ZNF385D: variants seen among roughly 807,000 people sequenced by gnomAD.
ZNF385D encodes the protein zinc finger protein 385D.
Under a neutral mutation model 35.8 loss-of-function variants are expected in ZNF385D, and 15 were observed. The ratio of observed to expected loss-of-function variants is 0.42; its 90% CI spans 0.28 to 0.64. ZNF385D has a LOEUF of 0.64. Ranked by LOEUF, ZNF385D falls within the 30% of genes least tolerant of loss-of-function variation. The probability of loss-of-function intolerance (pLI) is 0.23; values close to 1 mark genes in which losing one functional copy is unlikely to be tolerated. For missense variants in ZNF385D, 474 were observed against 494.6 expected (o/e 0.96, Z 0.39); for synonymous variants, 212 against 186.8 (o/e 1.13, Z -1.10).
At position 22,255,270 on chromosome 3, in the gene ZNF385D, T is replaced by TC. The variant is rs1429773058; in HGVS notation, c.107-86236_107-86235insG. On this transcript the variant is annotated intron_variant, in intron 2 of 5. Transcript: ENST00000494108. Reference sequence around the variant, plus strand: ...TTGACACTGATTTTGTTATCATGTATTCCCCCCCCCAAAATTGTGTCCTAA... The same window carrying TC: ...TTGACACTGATTTTGTTATCATGTATCTCCCCCCCCCAAAATTGTGTCCTAA... 2.9e-5 allele frequency among the ~76,000 whole-genome samples: 3 copies of TC among 103,492 alleles called. No individual in the cohort carries two copies. In the South Asian group the frequency reaches 7.5e-4, roughly 26 times the overall value. The allele number at this position is 103,492 out of a possible 152,430, so 67.9% of individuals were successfully genotyped here. A position where few individuals can be genotyped will look rare whatever the true frequency, so the allele number is the denominator to read the frequency against.
chr3:22,305,955 G>C (rs560169975), intron 2 of ZNF385D, among the ~76,000 whole-genome samples: 7 of 152,064 alleles, frequency 4.6e-5, no homozygotes, highest in Admixed American at 2.6e-4. Flanking sequence ...AATTTTTCTA[G>C]TACGATTCTG....
intron 3 of ZNF385D, among the ~76,000 whole-genome samples, chr3:21,540,155 A>G (rs1182648924): frequency 6.6e-6 from 1 of 152,238 alleles, no homozygotes; most frequent in Non-Finnish European, 1.5e-5. Flanking sequence ...GCTTACTATG[A>G]TAATAAAAAT....
chr3:21,546,292 T>A (rs2062369621), intron 3 of ZNF385D, among the ~76,000 whole-genome samples: 1 of 152,106 alleles, frequency 6.6e-6, no homozygotes, highest in African/African-American at 2.4e-5. Flanking sequence ...ATTGATACTC[T>A]AGTTCTGAGC....
upstream of ZNF385D, among the ~76,000 whole-genome samples, chr3:21,751,918 G>A (rs938214051): frequency 5.3e-5 from 8 of 151,676 alleles, no homozygotes; most frequent in Non-Finnish European, 1.2e-4. Flanking sequence ...CTCCTGAAAC[G>A]GAGAGACGAT....
At chr3:21,742,614 A>G (rs1262831314) in intron 1 of ZNF385D, among the ~76,000 whole-genome samples, 1 of 152,144 alleles carries the variant, frequency 6.6e-6, no homozygotes, top group Admixed American at 6.5e-5. Context: ...AAAGGGAGAA[A>G]CCAGGGTATT....
intron 3 of ZNF385D, among the ~76,000 whole-genome samples, chr3:22,025,798 T>C (rs972031249): frequency 1.3e-5 from 2 of 152,152 alleles, no homozygotes; most frequent in Admixed American, 1.3e-4. Context: ...CCACAAGATA[T>C]ACCCTGGACC....
intron 3 of ZNF385D, among the ~76,000 whole-genome samples, chr3:22,078,729 T>C (rs954964525): frequency 6.6e-6 from 1 of 152,050 alleles, no homozygotes; most frequent in Admixed American, 6.6e-5. Flanking sequence ...TCATAAGTAT[T>C]GGCAAGTTGC....
intron 2 of ZNF385D, among the ~76,000 whole-genome samples, chr3:22,280,483 A>C (rs553281233): frequency 1.3e-5 from 2 of 151,990 alleles, no homozygotes; most frequent in African/African-American, 4.8e-5. Context: ...ATTCTTCTAC[A>C]TGTGGCTTGC....
chr3:21,951,835 CT>C (rs1702081483), intron 3 of ZNF385D, among the ~76,000 whole-genome samples: 1 of 151,604 alleles, frequency 6.6e-6, no homozygotes, highest in African/African-American at 2.4e-5. Context: ...AGTTTATATT[CT>C]TTTATTTAGC....
intron 3 of ZNF385D, among the ~76,000 whole-genome samples, chr3:22,144,572 CAAAAAAAAAAAAAAA>C (rs10536394): frequency 8.9e-5 from 6 of 67,548 alleles, no homozygotes; most frequent in African/African-American, 1.8e-4. Context: ...GACTCCATTT[CAAAAAAAAAAAAAAA>C]AAAAAAAAAA....
rs542124381 is a variant in ZNF385D at position 21,703,305 on chromosome 3, C to T, written c.23-38277G>A. Among the ~76,000 whole-genome samples, 27 of 152,158 alleles carry T rather than the reference C, an allele frequency of 1.8e-4. No individual in the cohort carries two copies. The South Asian group carries it at 2.1e-3, about 12-fold the overall frequency. ...GATCCATGAGACTTAATCACTATCACGAGAATAGCATGAGAAAGAACAGCC... is the reference window on the plus strand; with the variant it reads ...GATCCATGAGACTTAATCACTATCATGAGAATAGCATGAGAAAGAACAGCC... On this transcript the variant is annotated intron_variant, in intron 1 of 7. Coordinates refer to ENST00000281523, the MANE Select transcript of ZNF385D (RefSeq NM_024697.3).
chr3:22,109,222 C>A (rs1463909503), intron 3 of ZNF385D, among the ~76,000 whole-genome samples: 2 of 152,108 alleles, frequency 1.3e-5, no homozygotes, highest in Non-Finnish European at 2.9e-5. Flanking sequence ...GTGAATGACT[C>A]AGTCAGAGGT....
At position 21,895,319 on chromosome 3, in the gene ZNF385D, CT is replaced by C. The variant is rs34167369; in HGVS notation, c.326-230292del. Among the ~76,000 whole-genome samples, 369 of 62,686 alleles carry C rather than the reference CT, an allele frequency of 5.9e-3. 1 individual carries two copies. The highest frequency in any genetic ancestry group is 0.016 in the African/African-American group (249 of 15,728). The allele number at this position is 62,686 out of a possible 152,430, so 41.1% of individuals were successfully genotyped here. A position where few individuals can be genotyped will look rare whatever the true frequency, so the allele number is the denominator to read the frequency against. ...ATGGTTGAATCACTGAAATGTGTGG[CT>C]TTTTTTTTTTTTTTTTTTTTTTTTT... On this transcript the variant is annotated intron_variant, in intron 3 of 5. Transcript: ENST00000494108.
chr3:21,679,553 G>C (rs1301096231), intron 1 of ZNF385D, among the ~76,000 whole-genome samples: 1 of 151,794 alleles, frequency 6.6e-6, no homozygotes, highest in Non-Finnish European at 1.5e-5. Flanking sequence ...TGCTTTGAAA[G>C]CTAATCCAGA....
chr3:22,179,639 G>A (rs796929839), intron 2 of ZNF385D, among the ~76,000 whole-genome samples: 6 of 152,338 alleles, frequency 3.9e-5, no homozygotes, highest in African/African-American at 1.4e-4. Flanking sequence ...CAGAAGTGGT[G>A]AGAGAAGGCA....
At chr3:22,282,004 C>T (rs545193947) in intron 2 of ZNF385D, among the ~76,000 whole-genome samples, 2 of 152,000 alleles carry the variant, frequency 1.3e-5, no homozygotes, top group Admixed American at 6.6e-5. Flanking sequence ...AATTTATCCA[C>T]TTCCTCTAAG....
intron 3 of ZNF385D, among the ~76,000 whole-genome samples, chr3:21,836,010 T>A (rs1049258035): frequency 6.6e-6 from 1 of 152,062 alleles, no homozygotes; most frequent in Non-Finnish European, 1.5e-5. Context: ...CCTATGAAGA[T>A]CAGACAGGTA....
In ZNF385D at chr3:21,424,028, C is replaced by T; in HGVS notation, c.889G>A (p.Gly297Arg). 1 of 1,602,950 alleles carries T rather than the reference C, an allele frequency of 6.2e-7. No individual in the cohort carries two copies. The highest frequency in any genetic ancestry group is 1.1e-5 in the South Asian group (1 of 89,438). The change falls in exon 7 of 8, where the codon GGG becomes AGG. Residue 297 changes from glycine (G) to arginine (R), a missense_variant. Transcript: ENST00000281523. Reference sequence around the variant, plus strand: ...CTGTATTTAGGTTTCGGGGGCTTCCCAGCAGCTCTGTCTTTGTGCCTTCTA... The same window carrying T: ...CTGTATTTAGGTTTCGGGGGCTTCCTAGCAGCTCTGTCTTTGTGCCTTCTA... ...SSRRHKDRAA[G>R]KPPKPKYSPY...
At chr3:22,254,931 T>C (rs1005331009) in intron 2 of ZNF385D, among the ~76,000 whole-genome samples, 2 of 151,816 alleles carry the variant, frequency 1.3e-5, no homozygotes, top group East Asian at 3.9e-4. Flanking sequence ...GGGTAGTGTA[T>C]ATAGTATAGA....
Sources: gnomAD v4.1 joint callset for allele counts (sites outside exome capture counted in the v4.1 genomes callset) on GRCh38, gnomAD v4.1.1 for gene constraint, MANE v1.5 for transcripts, NCBI Gene and HGNC (gene_info 2026-07-23, HGNC 2026-07-21) for gene names.